Variants in SLC38A7 observed in about 807,000 individuals in gnomAD.
The protein encoded by SLC38A7 is sodium-coupled neutral amino acid transporter 7.
Under a neutral mutation model 50.1 loss-of-function variants are expected in SLC38A7, and 29 were observed. The ratio of observed to expected loss-of-function variants is 0.58; its 90% CI spans 0.43 to 0.79. SLC38A7 has a LOEUF of 0.79. Ranked by LOEUF, SLC38A7 falls within the 30% of genes least tolerant of loss-of-function variation. The pLI is 0.00. For synonymous variants in SLC38A7, 244 were observed against 245.9 expected, an observed-to-expected ratio of 0.99 and a Z score of 0.07; for missense variants, 483 against 610.6, an observed-to-expected ratio of 0.79 and a Z score of 2.20.
chr16:58,676,607 T>C (rs7201166), intron 6 of SLC38A7, among the ~76,000 whole-genome samples: 45,174 of 152,188 alleles, frequency 0.3, 6,870 homozygotes, highest in East Asian at 0.42. Context: ...TTTGCTTTAC[T>C]GGTTTGTTCC....
Position 58,678,299 on chromosome 16 carries a change from A to G in SLC38A7, c.611+34T>C. 1 of 1,509,154 alleles carries G rather than the reference A, an allele frequency of 6.6e-7. No individual in the cohort carries two copies. Among genetic ancestry groups the G allele is most frequent in the Non-Finnish European group, 8.9e-7 (1 of 1,127,526 alleles). The allele number at this position is 1,509,154 out of a possible 1,614,324, so 93.5% of individuals were successfully genotyped here. On this transcript the variant is annotated intron_variant, in intron 5 of 11. Transcript: ENST00000219320. This position sits in a 1 kb window ranked among gnomAD's most constrained non-coding sequence, Gnocchi z 4.0. ...TGGGTCTACAGCTGCCCAGGATCAT[A>G]GCTTCTGTCTGACCCAGGCTGGGGC... is the stretch of plus-strand genomic sequence containing the variant.
intron 10 of SLC38A7, 94 bp from the exon 11 acceptor site, chr16:58,670,261 G>T: frequency 8.2e-7 from 1 of 1,213,670 alleles, no homozygotes; most frequent in Non-Finnish European, 1.2e-6. Flanking sequence ...GCTGGATGGA[G>T]AAAGGCCCAT....
rs1179577506 is a variant in SLC38A7, at chr16:58,667,504, G to A, written c.1287-17C>T. 1.3e-6 allele frequency: 2 copies of A among 1,583,336 alleles called. No homozygotes were observed. The highest frequency in any genetic ancestry group is 1.8e-5 in the Admixed American group (1 of 55,238). ...ACCCACCAGCTGTAGAACAGAGGGT[G>A]AGAGAGGTCTGATCAGTCATCCCAT... On this transcript the variant is annotated splice_polypyrimidine_tract_variant and intron_variant, in intron 11 of 11. Coordinates refer to ENST00000219320, the MANE Select transcript of SLC38A7 (RefSeq NM_018231.3).
intron 8 of SLC38A7, among the ~76,000 whole-genome samples, chr16:58,673,664 G>A (rs1338486980): frequency 4.7e-5 from 6 of 128,906 alleles, no homozygotes; most frequent in African/African-American, 1.2e-4. Context: ...GTGCCTGGCC[G>A]TTTTTTTTTT....
In SLC38A7 at chr16:58,680,087, C is replaced by T. The variant is rs1208299494; in HGVS notation, c.40G>A (p.Asp14Asn). The change falls in exon 3 of 12, where the codon GAC becomes AAC. Residue 14 changes from aspartate to asparagine, a missense_variant. Asp to Asn is a conservative substitution (Grantham distance 23). Coordinates refer to ENST00000219320, the MANE Select transcript of SLC38A7 (RefSeq NM_018231.3). ...CGCTCCCCGGCATCCGTGCTCAAGT[C>T]CCACTCGCTGTAGTCATTGTTGATG... ...VSINNDYSEW[D>N]LSTDAGERAR... 1.2e-5 allele frequency: 18 copies of T among 1,559,216 alleles called. No homozygotes were observed. The highest frequency in any genetic ancestry group is 1.6e-5 in the Non-Finnish European group (18 of 1,151,228).
Position 58,667,043 on chromosome 16 carries a change from A to C in SLC38A7, c.*342T>G, listed in dbSNP as rs2044049862. On this transcript the variant is annotated 3_prime_UTR_variant, in exon 12 of 12. Transcript: ENST00000219320. Reference sequence around the variant, plus strand: ...CCTTCTGTCCATAGTCATTCTCCAGAGGGAAGTCAGACTGGATTCTTTCTT... The same window carrying C: ...CCTTCTGTCCATAGTCATTCTCCAGCGGGAAGTCAGACTGGATTCTTTCTT... 2 of 382,560 alleles carry C rather than the reference A, an allele frequency of 5.2e-6. No individual in the cohort carries two copies. The highest frequency in any genetic ancestry group is 8.4e-5 in the Admixed American group (2 of 23,904). 23.7% of individuals were successfully genotyped at this position (382,560 alleles called of 1,614,324 possible). A position where few individuals can be genotyped will look rare whatever the true frequency, so the allele number is the denominator to read the frequency against.
chr16:58,667,336 G>A lies in SLC38A7; in HGVS notation c.*49C>T, dbSNP rs1404280413. The A allele has an allele frequency of 6.4e-7, 1 of 1,568,032 alleles. No individual in the cohort carries two copies. Among genetic ancestry groups the A allele is most frequent in the East Asian group, 2.2e-5 (1 of 44,664 alleles). On this transcript the variant is annotated 3_prime_UTR_variant, in exon 12 of 12. Transcript: ENST00000219320. The stretch of plus-strand genomic sequence containing the variant: ...AATGGCCCCATAGCTCTAAGAGATG[G>A]GTTCCTGCGACCAATGGCAAAGGCC...
At chr16:58,669,056 C>T (rs1309350419) in intron 11 of SLC38A7, among the ~76,000 whole-genome samples, 1 of 144,754 alleles carries the variant, frequency 6.9e-6, no homozygotes, top group African/African-American at 2.5e-5. Flanking sequence ...AGGCGTGAGT[C>T]ACTGTGCCTG....
intron 10 of SLC38A7, among the ~76,000 whole-genome samples, 177 bp from the exon 11 acceptor site, chr16:58,670,344 C>T (rs1228738565): frequency 6.6e-6 from 1 of 152,244 alleles, no homozygotes; most frequent in African/African-American, 2.4e-5. Context: ...TCTGCTCTCC[C>T]ATGACAGGCT....
intron 2 of SLC38A7, among the ~76,000 whole-genome samples, chr16:58,682,695 A>C (rs577853603): frequency 6.6e-6 from 1 of 151,924 alleles, no homozygotes; most frequent in East Asian, 1.9e-4. Flanking sequence ...GCAATGGCAC[A>C]ATCTCAGCTC....
intron 9 of SLC38A7, 97 bp downstream of exon 9, chr16:58,671,999 C>T: frequency 1.5e-6 from 2 of 1,359,016 alleles, no homozygotes; most frequent in Non-Finnish European, 2.0e-6. Context: ...GCTTCAGTTT[C>T]TCCTTCTACA....
intron 8 of SLC38A7, chr16:58,675,489 T>C (rs1174109816): frequency 3.4e-6 from 1 of 290,566 alleles, no homozygotes; most frequent in Non-Finnish European, 6.8e-6. Context: ...CACTCCAGCC[T>C]GGGCGACAGT....
intron 8 of SLC38A7, among the ~76,000 whole-genome samples, chr16:58,674,134 C>T (rs1239501223): frequency 6.6e-6 from 1 of 152,096 alleles, no homozygotes; most frequent in Non-Finnish European, 1.5e-5. Context: ...GGACGCCCAG[C>T]TAATTCTTTA....
In SLC38A7 at chr16:58,679,024, G is replaced by C. The variant is rs1484702821; in HGVS notation, c.271-130C>G. The C allele has an allele frequency of 7.0e-6, 6 of 857,790 alleles. No homozygotes were observed. The African/African-American group carries it at 8.5e-5, about 12-fold the overall frequency. The allele number at this position is 857,790 out of a possible 1,614,324, so 53.1% of individuals were successfully genotyped here. A position where few individuals can be genotyped will look rare whatever the true frequency, so the allele number is the denominator to read the frequency against. The stretch of plus-strand genomic sequence containing the variant: ...AAATCTCACAAAGGCAATTTTAAGA[G>C]ACTGCTAGAGGATGCCGAGTTGAGA... On this transcript the variant is annotated intron_variant, in intron 3 of 11. Transcript: ENST00000219320.
chr16:58,676,865 A>G (rs937554821), intron 6 of SLC38A7, among the ~76,000 whole-genome samples: 6 of 152,066 alleles, frequency 3.9e-5, no homozygotes, highest in Non-Finnish European at 7.4e-5. Context: ...CGTGTTAGCC[A>G]GGATGGTCTC....
At chr16:58,671,296 A>C in intron 9 of SLC38A7, 52 bp from the exon 10 acceptor site, 1 of 1,572,274 alleles carries the variant, frequency 6.4e-7, no homozygotes, top group Non-Finnish European at 8.7e-7. Flanking sequence ...GCAGCTCCCC[A>C]CCTCTAGCTC....
At chr16:58,675,449 A>G in intron 8 of SLC38A7, 1 of 355,948 alleles carries the variant, frequency 2.8e-6, no homozygotes, top group Non-Finnish European at 5.4e-6. Flanking sequence ...CAGCAGGTTG[A>G]GGTTGCAGTG....
chr16:58,675,374 G>A, intron 8 of SLC38A7: 1 of 422,628 alleles, frequency 2.4e-6, no homozygotes, highest in South Asian at 1.8e-5. Flanking sequence ...AATTAGCTGG[G>A]CACAATGGCA....
chr16:58,680,307 T>A, intron 2 of SLC38A7, 66 bp from the exon 3 acceptor site: 1 of 640,502 alleles, frequency 1.6e-6, no homozygotes, highest in Non-Finnish European at 2.3e-6. Flanking sequence ...CAAAAAGGTG[T>A]AATAACTTTC....
Sources: gnomAD v4.1 joint callset for allele counts (sites outside exome capture counted in the v4.1 genomes callset) on GRCh38, gnomAD v4.1.1 for gene constraint, Gnocchi (gnomAD v3.1) non-coding constraint, MANE v1.5 for transcripts, NCBI Gene and HGNC (gene_info 2026-07-23, HGNC 2026-07-21) for gene names.